Variants in SLC4A10 observed in about 807,000 individuals in gnomAD.
SLC4A10 encodes sodium-driven chloride bicarbonate exchanger.
Under a neutral mutation model 137.7 loss-of-function variants are expected in SLC4A10, and 42 were observed. The observed-to-expected ratio is 0.30, with a 90% CI of 0.24 to 0.39. SLC4A10 has a LOEUF of 0.39. Among genes scored for constraint, SLC4A10 ranks in the 10% least tolerant of loss-of-function variants. The pLI is 1.00. For missense variants in SLC4A10, 925 were observed against 1,355.0 expected, an observed-to-expected ratio of 0.68 and a Z score of 4.98; for synonymous variants, 474 against 464.1, an observed-to-expected ratio of 1.02 and a Z score of -0.27.
At chr2:161,682,227 G>A (rs1160511782) in intron 1 of SLC4A10, among the ~76,000 whole-genome samples, 2 of 152,090 alleles carry the variant, frequency 1.3e-5, no homozygotes, top group African/African-American at 2.4e-5. Flanking sequence ...GAGTCTCAGA[G>A]AAATCTAGTA....
chr2:161,687,510 C>T (rs576604919), intron 1 of SLC4A10, among the ~76,000 whole-genome samples: 59 of 152,204 alleles, frequency 3.9e-4, no homozygotes, highest in Non-Finnish European at 5.7e-4. Flanking sequence ...ACATAATTAA[C>T]GGAATTATAG....
At chr2:161,752,573 T>G (rs1470957546) in intron 1 of SLC4A10, among the ~76,000 whole-genome samples, 1 of 152,064 alleles carries the variant, frequency 6.6e-6, no homozygotes, top group Admixed American at 6.6e-5. Context: ...GCATTATTCA[T>G]AATAGCCAGG....
At chr2:161,784,146 CATCTT>C (rs1240456377) in intron 2 of SLC4A10, among the ~76,000 whole-genome samples, 1 of 151,710 alleles carries the variant, frequency 6.6e-6, no homozygotes, top group Non-Finnish European at 1.5e-5. Context: ...CTGAGAAAGA[CATCTT>C]ATAATGATAA....
At chr2:161,679,210 T>C (rs1443296525) in intron 1 of SLC4A10, among the ~76,000 whole-genome samples, 1 of 152,160 alleles carries the variant, frequency 6.6e-6, no homozygotes, top group Non-Finnish European at 1.5e-5. Context: ...GTACTCTAGG[T>C]TGTTTTTCAG....
At chr2:161,885,491 A>C (rs2062188427) in intron 10 of SLC4A10, among the ~76,000 whole-genome samples, 1 of 152,134 alleles carries the variant, frequency 6.6e-6, no homozygotes, top group African/African-American at 2.4e-5. Flanking sequence ...TTTTAGACTT[A>C]TTATGAGTGT....
chr2:161,906,974 T>C lies in SLC4A10; in HGVS notation c.1997+1087T>C, dbSNP rs974352575. On this transcript the variant is annotated intron_variant, in intron 15 of 26. Transcript: ENST00000446997. ...GGGAGGCTGAGGCAGGAGAATGGCG[T>C]GAACCCGGGAGGCGGAGCTTGCAGT... Among the ~76,000 whole-genome samples the C allele has an allele frequency of 9.7e-5, 14 of 145,000 alleles. No homozygotes were observed. In the East Asian group the frequency reaches 2.7e-3, roughly 28 times the overall value.
intron 10 of SLC4A10, among the ~76,000 whole-genome samples, chr2:161,891,948 T>A (rs2062972158): frequency 6.6e-6 from 1 of 152,046 alleles, no homozygotes; most frequent in Non-Finnish European, 1.5e-5. Context: ...AATAGTCTAG[T>A]TTGAGAAGGG....
chr2:161,954,594 G>A (rs537926676), intron 19 of SLC4A10, among the ~76,000 whole-genome samples: 1 of 152,300 alleles, frequency 6.6e-6, no homozygotes, highest in African/African-American at 2.4e-5. Flanking sequence ...AGTTTTTAAA[G>A]ACATTTTAAA....
At chr2:161,887,502 G>T (rs1400314344) in intron 10 of SLC4A10, among the ~76,000 whole-genome samples, 1 of 152,034 alleles carries the variant, frequency 6.6e-6, no homozygotes, top group Non-Finnish European at 1.5e-5. Flanking sequence ...GATTGCCGTT[G>T]TCACTGGCAT....
intron 13 of SLC4A10, 108 bp downstream of exon 13, chr2:161,904,286 GATATGGTCTGGCAGATACACCTT>G: frequency 8.3e-7 from 1 of 1,211,270 alleles, no homozygotes; most frequent in Non-Finnish European, 1.1e-6. Flanking sequence ...AGAGATTTGA[GATATGGTCTGGCAGATACACCTT>G]ATATGAATTT....
intron 14 of SLC4A10, among the ~76,000 whole-genome samples, chr2:161,905,369 T>C (rs1415555835): frequency 2.6e-5 from 4 of 152,124 alleles, no homozygotes; most frequent in Non-Finnish European, 4.4e-5. Flanking sequence ...CCTATGAGAA[T>C]CTAACGTCCC....
At chr2:161,768,881 C>T (rs1279172002) in intron 1 of SLC4A10, among the ~76,000 whole-genome samples, 1 of 151,938 alleles carries the variant, frequency 6.6e-6, no homozygotes, top group African/African-American at 2.4e-5. Context: ...CCTTGTAATA[C>T]CTGACCCACA....
chr2:161,789,815 C>T (rs757324446), intron 2 of SLC4A10, among the ~76,000 whole-genome samples: 5 of 152,206 alleles, frequency 3.3e-5, no homozygotes, highest in Middle Eastern at 3.4e-3. Context: ...AAGGAAGGAT[C>T]TGTTATATTC....
At chr2:161,710,909 A>T (rs558537259) in intron 1 of SLC4A10, among the ~76,000 whole-genome samples, 1 of 151,858 alleles carries the variant, frequency 6.6e-6, no homozygotes, top group East Asian at 1.9e-4. Flanking sequence ...TATATACAAT[A>T]AATTGTGTTC....
chr2:161,817,055 A>G (rs2057144165), intron 3 of SLC4A10, among the ~76,000 whole-genome samples: 1 of 152,184 alleles, frequency 6.6e-6, no homozygotes, highest in South Asian at 2.1e-4. Flanking sequence ...GAATCGCCAC[A>G]CTGACTTTCA....
intron 1 of SLC4A10, among the ~76,000 whole-genome samples, chr2:161,634,377 T>C (rs936065219): frequency 3.3e-5 from 5 of 151,842 alleles, no homozygotes; most frequent in African/African-American, 9.7e-5. Flanking sequence ...GTATCTTCTG[T>C]TTTTTTCCCA....
chr2:161,736,913 TG>T (rs2047401855), intron 1 of SLC4A10, among the ~76,000 whole-genome samples: 1 of 152,136 alleles, frequency 6.6e-6, no homozygotes, highest in Non-Finnish European at 1.5e-5. Flanking sequence ...GAGTGCAGTG[TG>T]CAGTGGCACA....
intron 19 of SLC4A10, among the ~76,000 whole-genome samples, chr2:161,955,069 CA>C (rs1475506552): frequency 6.6e-6 from 1 of 152,120 alleles, no homozygotes; most frequent in Non-Finnish European, 1.5e-5. Flanking sequence ...TTTCTCTTAG[CA>C]GTACCATAAT....
intron 1 of SLC4A10, among the ~76,000 whole-genome samples, chr2:161,768,446 G>A (rs1402096279): frequency 6.6e-6 from 1 of 152,014 alleles, no homozygotes; most frequent in Non-Finnish European, 1.5e-5. Flanking sequence ...GGGGAAGGCT[G>A]TAAGAAAGAC....
Sources: gnomAD v4.1 joint callset for allele counts (sites outside exome capture counted in the v4.1 genomes callset) on GRCh38, gnomAD v4.1.1 for gene constraint, MANE v1.5 for transcripts, NCBI Gene and HGNC (gene_info 2026-07-23, HGNC 2026-07-21) for gene names.